GRM5: variants seen among roughly 807,000 people sequenced by gnomAD.
GRM5 encodes glutamate metabotropic receptor 5.
A neutral mutation model predicts 83.1 loss-of-function variants in GRM5; 19 were observed. The observed-to-expected ratio is 0.23, with a 90% confidence interval of 0.16 to 0.34. The LOEUF is 0.34. GRM5 is among the 10% of genes least tolerant of loss of function. The pLI, the probability that GRM5 is intolerant of heterozygous loss-of-function variation, is 1.00. For missense variants in GRM5, 1,160 were observed against 1,588.3 expected (o/e 0.73, Z 4.58); for synonymous variants, 675 against 633.6 (o/e 1.07, Z -0.98).
intron 2 of GRM5, among the ~76,000 whole-genome samples, chr11:89,000,278 G>C (rs1251713336): frequency 6.6e-6 from 1 of 151,900 alleles, no homozygotes; most frequent in Non-Finnish European, 1.5e-5. Flanking sequence ...AAACAATTTT[G>C]AAAAGGAAAA....
At chr11:89,001,682 C>A (rs1452037102) in intron 2 of GRM5, among the ~76,000 whole-genome samples, 1 of 152,050 alleles carries the variant, frequency 6.6e-6, no homozygotes, top group East Asian at 1.9e-4. Context: ...AAAAGGTTAC[C>A]ATTTGAGGAA....
chr11:88,751,615 A>G (rs1942275574), intron 3 of GRM5, among the ~76,000 whole-genome samples: 1 of 152,202 alleles, frequency 6.6e-6, no homozygotes, highest in Non-Finnish European at 1.5e-5. Flanking sequence ...TGAGGCCAGC[A>G]TCATCCTGAC....
At chr11:89,051,538 C>T (rs141726549) in intron 1 of GRM5, among the ~76,000 whole-genome samples, 3,820 of 151,906 alleles carry the variant, frequency 0.025, 166 homozygotes, top group African/African-American at 0.088. Context: ...GGTGAAACCC[C>T]GTCTCTACCA....
chr11:88,951,091 G>C (rs1446369725), intron 2 of GRM5, among the ~76,000 whole-genome samples: 4 of 152,102 alleles, frequency 2.6e-5, no homozygotes, highest in Non-Finnish European at 5.9e-5. Flanking sequence ...GTGTGTGTGT[G>C]TGTATCTGTG....
At chr11:88,770,344 A>G (rs1183663131) in intron 3 of GRM5, among the ~76,000 whole-genome samples, 1 of 152,128 alleles carries the variant, frequency 6.6e-6, no homozygotes, top group Admixed American at 6.6e-5. Flanking sequence ...TTCTCTTACT[A>G]AATAATTATG....
intron 8 of GRM5, among the ~76,000 whole-genome samples, chr11:88,552,228 T>C (rs1443066616): frequency 6.6e-6 from 1 of 152,030 alleles, no homozygotes; most frequent in African/African-American, 2.4e-5. Flanking sequence ...GGTCTTGCTA[T>C]GTCATCCAGG....
intron 3 of GRM5, among the ~76,000 whole-genome samples, chr11:88,657,753 A>G (rs1054449815): frequency 1.1e-4 from 17 of 152,042 alleles, no homozygotes; most frequent in African/African-American, 4.1e-4. Context: ...TTTTTTTCCT[A>G]GGTCTCTATA....
Position 88,507,376 on chromosome 11 carries a change from C to T in GRM5, c.*1216G>A, listed in dbSNP as rs1941205111. On this transcript the variant is annotated 3_prime_UTR_variant, in exon 10 of 10. Coordinates refer to ENST00000305447, the MANE Select transcript of GRM5 (RefSeq NM_001143831.3). ...ATAGTTCATAGCTGCCCTGTTTAAG[C>T]AGCCAAGAATAGTTAAAATCACTGC... is the stretch of plus-strand genomic sequence containing the variant. The T allele has an allele frequency of 1.3e-5, 2 of 152,174 alleles. No individual in the cohort carries two copies. Among genetic ancestry groups the T allele is most frequent in the African/African-American group, 4.8e-5 (2 of 41,450 alleles). The allele number at this position is 152,174 out of a possible 1,614,324, so 9.4% of individuals were successfully genotyped here.
intron 2 of GRM5, among the ~76,000 whole-genome samples, chr11:88,930,266 T>C (rs1002070301): frequency 4.0e-5 from 6 of 150,544 alleles, no homozygotes; most frequent in Non-Finnish European, 4.4e-5. Context: ...AAAAAAAAAT[T>C]AGTTTGGCAT....
At chr11:88,668,008 CAA>C (rs1271614171) in intron 3 of GRM5, among the ~76,000 whole-genome samples, 2 of 151,494 alleles carry the variant, frequency 1.3e-5, no homozygotes, top group African/African-American at 4.9e-5. Context: ...GAGAAATGCA[CAA>C]GTTATACACT....
intron 4 of GRM5, among the ~76,000 whole-genome samples, chr11:88,646,405 T>C (rs1939449350): frequency 6.6e-6 from 1 of 152,078 alleles, no homozygotes; most frequent in Non-Finnish European, 1.5e-5. Flanking sequence ...CTGTTAATAG[T>C]ATATATTTCT....
chr11:88,547,006 T>G (rs542674780), intron 8 of GRM5, among the ~76,000 whole-genome samples: 1 of 152,152 alleles, frequency 6.6e-6, no homozygotes, highest in African/African-American at 2.4e-5. Flanking sequence ...GATGTATAGA[T>G]ATATGATATT....
intron 2 of GRM5, among the ~76,000 whole-genome samples, chr11:88,991,388 C>A (rs558988864): frequency 2.0e-5 from 3 of 152,040 alleles, no homozygotes; most frequent in South Asian, 4.2e-4. Context: ...GAATAACATT[C>A]CATGCTCATG....
intron 3 of GRM5, among the ~76,000 whole-genome samples, chr11:88,716,920 C>T (rs1317783963): frequency 1.3e-4 from 19 of 151,916 alleles, no homozygotes; most frequent in Admixed American, 1.2e-3. Flanking sequence ...CAGAATGCCC[C>T]ACTGTTTTAT....
intron 7 of GRM5, among the ~76,000 whole-genome samples, chr11:88,587,093 T>G (rs963797503): frequency 1.3e-5 from 2 of 152,186 alleles, no homozygotes; most frequent in Non-Finnish European, 2.9e-5. Flanking sequence ...GCTATGTCCA[T>G]GAGAGACTAA....
rs3031470 is a variant in GRM5, at chr11:88,845,321, C to CCT, written c.911+4584_911+4585insAG. Among the ~76,000 whole-genome samples the CCT allele has an allele frequency of 3.7e-3, 526 of 142,436 alleles. 8 individuals carry two copies. The highest frequency in any genetic ancestry group is 6.9e-3 in the African/African-American group (270 of 39,008). The allele number at this position is 142,436 out of a possible 152,430, so 93.4% of individuals were successfully genotyped here. A position where few individuals can be genotyped will look rare whatever the true frequency, so the allele number is the denominator to read the frequency against. ...CACTGAAGGCTCAGATGATCACTTGCTTTTTTTTTTTAGCAATAAAGTATA... is the reference window on the plus strand; with the variant it reads ...CACTGAAGGCTCAGATGATCACTTGCCTTTTTTTTTTTTAGCAATAAAGTATA... On this transcript the variant is annotated intron_variant, in intron 3 of 9. Transcript: ENST00000305447.
chr11:88,999,331 C>T (rs1452941877), intron 2 of GRM5, among the ~76,000 whole-genome samples: 2 of 152,070 alleles, frequency 1.3e-5, no homozygotes, highest in Admixed American at 1.3e-4. Flanking sequence ...ATTTTTGCAA[C>T]CTACTCATCT....
At chr11:88,786,418 C>G (rs1441137725) in intron 3 of GRM5, among the ~76,000 whole-genome samples, 1 of 152,088 alleles carries the variant, frequency 6.6e-6, no homozygotes, top group Non-Finnish European at 1.5e-5. Context: ...CATCACAAAT[C>G]CTCTGAAAGC....
At position 88,583,451 on chromosome 11, in the gene GRM5, GC is replaced by G. The variant is rs1353377505; in HGVS notation, c.1690+7149del. Among the ~76,000 whole-genome samples the G allele has an allele frequency of 2.0e-5, 3 of 152,346 alleles. No homozygotes were observed. The East Asian group carries it at 5.8e-4, about 29-fold the overall frequency. ...TGGAATAAAATGGAAGCGTTTTACA[GC>G]TTTGGACTTACGTAAGATACATTTC... is the stretch of plus-strand genomic sequence containing the variant. On this transcript the variant is annotated intron_variant, in intron 7 of 9. Transcript: ENST00000305447.
Sources: allele counts gnomAD v4.1 joint callset (sites outside exome capture counted in the v4.1 genomes callset), GRCh38; gene constraint gnomAD v4.1.1; transcripts MANE v1.5; gene names NCBI Gene and HGNC (gene_info 2026-07-23, HGNC 2026-07-21).